SLC8A1: variants seen among roughly 807,000 people sequenced by gnomAD.
SLC8A1 encodes the protein sodium/calcium exchanger 1.
A neutral mutation model predicts 68.3 loss-of-function variants in SLC8A1; 18 were observed. The ratio of observed to expected loss-of-function variants is 0.26; its 90% CI spans 0.18 to 0.39. The LOEUF is 0.39. Ranked by LOEUF, SLC8A1 falls within the 10% of genes least tolerant of loss-of-function variation. The pLI is 1.00. For synonymous variants in SLC8A1, 475 were observed against 415.5 expected (o/e 1.14, Z -1.74); for missense variants, 985 against 1,156.7 (o/e 0.85, Z 2.15).
rs542580988 is a variant in SLC8A1 at position 40,134,160 on chromosome 2, C to T, written c.2437+5241G>A. Among the ~76,000 whole-genome samples the T allele has an allele frequency of 5.3e-5, 8 of 151,614 alleles. No individual in the cohort carries two copies. In the South Asian group the frequency reaches 1.3e-3, roughly 24 times the overall value. On this transcript the variant is annotated intron_variant, in intron 7 of 7. Coordinates refer to ENST00000406785, the Ensembl canonical transcript of SLC8A1. Reference sequence around the variant, plus strand: ...AGGCTGGAGTGCAGTGGTGCAATCTCGGCTCACTGCAACCTCCGCCTCCCG... The same window carrying T: ...AGGCTGGAGTGCAGTGGTGCAATCTTGGCTCACTGCAACCTCCGCCTCCCG...
intron 1 of SLC8A1, among the ~76,000 whole-genome samples, chr2:40,479,596 AT>A (rs1159875299): frequency 6.6e-6 from 1 of 152,178 alleles, no homozygotes; most frequent in Admixed American, 6.5e-5. Flanking sequence ...TCTTATCTTG[AT>A]TAGAAAGAGA....
intron 2 of SLC8A1, among the ~76,000 whole-genome samples, chr2:40,221,957 T>C (rs1405231478): frequency 3.9e-5 from 6 of 152,172 alleles, no homozygotes; most frequent in Non-Finnish European, 5.9e-5. Flanking sequence ...AAGTAATTTA[T>C]AGATTCAATG....
chr2:40,496,846 T>A (rs1290646676), intron 1 of SLC8A1, among the ~76,000 whole-genome samples: 1 of 146,330 alleles, frequency 6.8e-6, no homozygotes, highest in Non-Finnish European at 1.5e-5. Context: ...ACACCGCATA[T>A]TCTCACTCAT....
chr2:40,134,097 GTT>G (rs11314046), intron 7 of SLC8A1, among the ~76,000 whole-genome samples: 5,618 of 35,998 alleles, frequency 0.16, 333 homozygotes, highest in African/African-American at 0.4. Flanking sequence ...GTTTGTTTGT[GTT>G]TTTTTTTTTT....
intron 2 of SLC8A1, among the ~76,000 whole-genome samples, chr2:40,363,337 GGAT>G (rs78021253): frequency 1.8e-4 from 27 of 150,942 alleles, no homozygotes; most frequent in Non-Finnish European, 2.5e-4. Context: ...ACCACTGCAG[GGAT>G]GATGATGATG....
chr2:40,168,090 C>CAG (rs2046853220), intron 4 of SLC8A1, among the ~76,000 whole-genome samples: 1 of 152,118 alleles, frequency 6.6e-6, no homozygotes, highest in East Asian at 1.9e-4. Flanking sequence ...TCATTGTACT[C>CAG]CATACCATGT....
At chr2:40,313,703 A>G (rs995707332) in intron 2 of SLC8A1, among the ~76,000 whole-genome samples, 1 of 151,938 alleles carries the variant, frequency 6.6e-6, no homozygotes, top group Non-Finnish European at 1.5e-5. Flanking sequence ...GTACCTGGAT[A>G]TGGTCAATTT....
chr2:40,263,502 G>C (rs1574892310), intron 2 of SLC8A1, among the ~76,000 whole-genome samples: 1 of 152,126 alleles, frequency 6.6e-6, no homozygotes, highest in Non-Finnish European at 1.5e-5. Flanking sequence ...TACCAAAACA[G>C]AGATATAGAC....
At chr2:40,326,221 C>T (rs185480612) in intron 2 of SLC8A1, among the ~76,000 whole-genome samples, 4 of 152,230 alleles carry the variant, frequency 2.6e-5, no homozygotes, top group Admixed American at 2.6e-4. Context: ...TACTGGGGTG[C>T]CTGCCCATAC....
intron 7 of SLC8A1, among the ~76,000 whole-genome samples, chr2:40,135,717 T>TA (rs2040384878): frequency 6.6e-6 from 1 of 151,860 alleles, no homozygotes; most frequent in Non-Finnish European, 1.5e-5. Context: ...GTCTCCATCT[T>TA]AAAAAAACAT....
chr2:40,446,983 A>C (rs774862184), intron 1 of SLC8A1, among the ~76,000 whole-genome samples: 1 of 152,226 alleles, frequency 6.6e-6, no homozygotes, highest in Non-Finnish European at 1.5e-5. Context: ...TTGCTGAATC[A>C]CTACCTTGTT....
intron 2 of SLC8A1, among the ~76,000 whole-genome samples, chr2:40,244,463 G>A (rs1161898859): frequency 1.3e-5 from 2 of 150,646 alleles, no homozygotes; most frequent in African/African-American, 4.9e-5. Flanking sequence ...AGGGGAAGAC[G>A]TTACTCTGAT....
intron 1 of SLC8A1, among the ~76,000 whole-genome samples, chr2:40,501,772 G>T (rs1019959283): frequency 2.0e-5 from 3 of 151,992 alleles, no homozygotes; most frequent in Admixed American, 2.0e-4. Context: ...TCAATCCAAG[G>T]CCTCATCTCA....
At chr2:40,422,337 C>T (rs150819202) in intron 2 of SLC8A1, among the ~76,000 whole-genome samples, 3 of 152,122 alleles carry the variant, frequency 2.0e-5, no homozygotes, top group Non-Finnish European at 4.4e-5. Flanking sequence ...ATAGGAAAAC[C>T]TCAATAGTTC....
intron 2 of SLC8A1, among the ~76,000 whole-genome samples, chr2:40,308,047 TAAAC>T (rs2072995888): frequency 1.3e-5 from 2 of 152,244 alleles, no homozygotes; most frequent in South Asian, 2.1e-4. Context: ...TAAATAAAAG[TAAAC>T]AAACACTTTT....
chr2:40,373,267 A>G (rs116613842), intron 2 of SLC8A1, among the ~76,000 whole-genome samples: 3,650 of 152,216 alleles, frequency 0.024, 55 homozygotes, highest in Non-Finnish European at 0.038. Context: ...TTACTAATAT[A>G]CAAAGCTGTC....
chr2:40,337,175 C>A (rs1666237544), intron 2 of SLC8A1: 1 of 222,632 alleles, frequency 4.5e-6, no homozygotes, highest in African/African-American at 2.2e-5. Context: ...TGTGTAAGTT[C>A]AAAAATGTCA....
intron 5 of SLC8A1, among the ~76,000 whole-genome samples, chr2:40,161,663 C>A (rs372791085): frequency 6.6e-6 from 1 of 152,112 alleles, no homozygotes; most frequent in East Asian, 1.9e-4. Context: ...CAAACATTCA[C>A]GAGAAAACTA....
intron 2 of SLC8A1, among the ~76,000 whole-genome samples, chr2:40,337,710 G>C (rs1352668946): frequency 6.6e-6 from 1 of 151,834 alleles, no homozygotes; most frequent in African/African-American, 2.4e-5. Flanking sequence ...TCCTACTTAT[G>C]TCCCTAGGAA....
Sources: gnomAD v4.1 joint callset for allele counts (sites outside exome capture counted in the v4.1 genomes callset) on GRCh38, gnomAD v4.1.1 for gene constraint, MANE v1.5 for transcripts, NCBI Gene and HGNC (gene_info 2026-07-23, HGNC 2026-07-21) for gene names.